PIK3C3: variants seen among roughly 807,000 people sequenced by gnomAD.
PIK3C3 encodes phosphatidylinositol 3-kinase catalytic subunit type 3.
PIK3C3 carries 95 observed loss-of-function variants against 126.1 expected under a neutral mutation model. The observed-to-expected ratio is 0.75, with a 90% CI of 0.64 to 0.89. The LOEUF (loss-of-function observed/expected upper bound fraction) is 0.89. Among genes scored for constraint, PIK3C3 ranks in the 40% least tolerant of loss-of-function variants. The pLI is 0.00. For synonymous variants in PIK3C3, 374 were observed against 360.0 expected, an observed-to-expected ratio of 1.04 and a Z score of -0.44; for missense variants, 829 against 1,063.2, an observed-to-expected ratio of 0.78 and a Z score of 3.06.
chr18:42,035,514 T>G (rs2144457477), intron 16 of PIK3C3, among the ~76,000 whole-genome samples: 1 of 152,330 alleles, frequency 6.6e-6, no homozygotes, highest in South Asian at 2.1e-4. Context: ...GAAATCTTTT[T>G]GACCTCAGTA....
In PIK3C3 at chr18:42,081,271, T is replaced by C; in HGVS notation, c.*134T>C. ...TCTTCAAGTTACCATATTTTCCAAA[T>C]ATTACATGGTACCTGAGTTCTGCTT... On this transcript the variant is annotated 3_prime_UTR_variant, in exon 25 of 25. Transcript: ENST00000262039. The C allele has an allele frequency of 3.5e-6, 2 of 569,926 alleles. No homozygotes were observed. The highest frequency in any genetic ancestry group is 6.3e-6 in the Non-Finnish European group (2 of 318,368). 35.3% of individuals were successfully genotyped at this position (569,926 alleles called of 1,614,324 possible). A position where few individuals can be genotyped will look rare whatever the true frequency, so the allele number is the denominator to read the frequency against.
chr18:42,081,136 G>A lies in PIK3C3; in HGVS notation c.2663G>A (p.Ter888=), dbSNP rs753547957. The change falls in exon 25 of 25, where the codon TGA becomes TAA. Residue 888 remains the stop codon, a stop_retained_variant. Coordinates refer to ENST00000262039, the MANE Select transcript of PIK3C3 (RefSeq NM_002647.4). The part of the protein sequence containing the change: ...IHKFAQYWRK[*] ...TAATTTTTGTAGTACTGGAGAAAAT[G>A]AAACTGGGATTGACCCATCAAGATG... The A allele has an allele frequency of 4.5e-6, 7 of 1,570,900 alleles. No individual in the cohort carries two copies. Among genetic ancestry groups the A allele is most frequent in the Admixed American group, 3.4e-5 (2 of 58,926 alleles).
chr18:41,965,889 C>A (rs980695589), intron 3 of PIK3C3, among the ~76,000 whole-genome samples: 1 of 152,142 alleles, frequency 6.6e-6, no homozygotes, highest in African/African-American at 2.4e-5. Flanking sequence ...ATAAAGGGAG[C>A]AGTAGCAATA....
chr18:42,010,630 T>A (rs1982779444), intron 10 of PIK3C3, among the ~76,000 whole-genome samples: 1 of 152,202 alleles, frequency 6.6e-6, no homozygotes, highest in African/African-American at 2.4e-5. Context: ...CCTCCCAAAG[T>A]GCTGGGATTA....
chr18:42,015,731 G>A (rs1217415719), intron 12 of PIK3C3, among the ~76,000 whole-genome samples, 165 bp downstream of exon 12: 1 of 152,068 alleles, frequency 6.6e-6, no homozygotes, highest in Non-Finnish European at 1.5e-5. Context: ...TCAGCATAAA[G>A]TACCAGATAG....
intron 2 of PIK3C3, among the ~76,000 whole-genome samples, chr18:41,958,948 T>C (rs57208863): frequency 0.038 from 5,839 of 152,258 alleles, 359 homozygotes; most frequent in African/African-American, 0.13. Flanking sequence ...TAAGTATTTC[T>C]GTATATCTGT....
At chr18:42,071,243 A>G (rs755256958) in intron 24 of PIK3C3, among the ~76,000 whole-genome samples, 3 of 152,232 alleles carry the variant, frequency 2.0e-5, no homozygotes, top group Non-Finnish European at 4.4e-5. Flanking sequence ...CTTTTTAAAT[A>G]TCATTTCTTA....
intron 11 of PIK3C3, among the ~76,000 whole-genome samples, chr18:42,014,756 G>T (rs575187592): frequency 6.6e-6 from 1 of 152,202 alleles, no homozygotes; most frequent in East Asian, 1.9e-4. Context: ...CTCAAGATTG[G>T]ATTTTTGAAT....
chr18:42,006,857 A>ATTTTTT (rs1982570559), intron 10 of PIK3C3, among the ~76,000 whole-genome samples: 1 of 112,584 alleles, frequency 8.9e-6, no homozygotes. Context: ...TAAAAATCAT[A>ATTTTTT]TTCTTTTTTT....
intron 14 of PIK3C3, among the ~76,000 whole-genome samples, chr18:42,028,052 A>G (rs1026315393): frequency 6.6e-6 from 1 of 152,328 alleles, no homozygotes; most frequent in African/African-American, 2.4e-5. Flanking sequence ...AATTTATTGG[A>G]ATAGAATCAT....
chr18:42,029,692 G>A (rs539135844), intron 15 of PIK3C3, among the ~76,000 whole-genome samples: 46 of 151,444 alleles, frequency 3.0e-4, no homozygotes, highest in African/African-American at 8.7e-4. Context: ...ACAGGTGCCC[G>A]CCACCATGCC....
intron 12 of PIK3C3, among the ~76,000 whole-genome samples, chr18:42,017,885 T>C (rs1983146693): frequency 6.6e-6 from 1 of 151,970 alleles, no homozygotes; most frequent in Non-Finnish European, 1.5e-5. Context: ...AGTTTAACAC[T>C]CTGTTTTATA....
At chr18:41,984,975 C>G (rs138751018) in intron 4 of PIK3C3, 124 of 152,274 alleles carry the variant, frequency 8.1e-4, no homozygotes, top group African/African-American at 2.9e-3. Flanking sequence ...AGAAGTCCAG[C>G]TATTCTGTTG....
In PIK3C3 at chr18:41,969,679, T is replaced by C. The variant is rs573275842; in HGVS notation, c.402-648T>C. On this transcript the variant is annotated intron_variant, in intron 3 of 24. Transcript: ENST00000262039. ...AAATCAATTTGTACAGCAAAAAGAC[T>C]AGTAATAGCTAACATTTATTGAATA... Among the ~76,000 whole-genome samples the C allele has an allele frequency of 2.4e-4, 36 of 152,352 alleles. 1 individual carries two copies. The highest frequency in any genetic ancestry group is 2.3e-3 in the Admixed American group (35 of 15,306).
intron 4 of PIK3C3, 32 bp from the exon 5 acceptor site, chr18:41,987,780 T>C (rs368185932): frequency 6.0e-6 from 9 of 1,488,078 alleles, no homozygotes; most frequent in Non-Finnish European, 7.5e-6. Context: ...TAGATGTATA[T>C]TAAAATTTTC....
At chr18:42,024,918 C>T (rs939619662) in intron 13 of PIK3C3, among the ~76,000 whole-genome samples, 2 of 151,924 alleles carry the variant, frequency 1.3e-5, no homozygotes, top group Non-Finnish European at 2.9e-5. Flanking sequence ...ATTCTTCTGC[C>T]TCAGCCTCCC....
chr18:41,985,639 T>C lies in PIK3C3; in HGVS notation c.532-2173T>C, dbSNP rs1981435323. The stretch of plus-strand genomic sequence containing the variant: ...TTCATTCTTTTGTGTCTAATTTTTC[T>C]GTATTGCAAATATGGTGCACAAATG... On this transcript the variant is annotated intron_variant, in intron 4 of 24. Transcript: ENST00000262039. Among the ~76,000 whole-genome samples, 5 of 152,170 alleles carry C rather than the reference T, an allele frequency of 3.3e-5. No homozygotes were observed. In the South Asian group the frequency reaches 1.0e-3, roughly 32 times the overall value.
intron 14 of PIK3C3, among the ~76,000 whole-genome samples, chr18:42,028,406 GTGT>G (rs1983670394): frequency 6.6e-6 from 1 of 152,196 alleles, no homozygotes. Context: ...TCTTAAAGCA[GTGT>G]CACAGTTTAG....
At chr18:42,076,126 A>G (rs1985988118) in intron 24 of PIK3C3, among the ~76,000 whole-genome samples, 1 of 51,958 alleles carries the variant, frequency 1.9e-5, no homozygotes, top group Non-Finnish European at 3.2e-5. Flanking sequence ...ATATATGCGC[A>G]TATATATATA....
Sources: allele counts gnomAD v4.1 joint callset (sites outside exome capture counted in the v4.1 genomes callset), GRCh38; gene constraint gnomAD v4.1.1; transcripts MANE v1.5; gene names NCBI Gene and HGNC (gene_info 2026-07-23, HGNC 2026-07-21).